Variants in LEPR observed in about 807,000 individuals in gnomAD.
The protein encoded by LEPR is leptin receptor.
A neutral mutation model predicts 114.7 loss-of-function variants in LEPR; 56 were observed. The observed-to-expected ratio is 0.49, with a 90% CI of 0.39 to 0.61. The LOEUF is 0.61. Ranked by LOEUF, LEPR falls within the 20% of genes least tolerant of loss-of-function variation. The probability of loss-of-function intolerance (pLI) is 0.00; values close to 1 mark genes in which losing one functional copy is unlikely to be tolerated. For missense variants in LEPR, 1,202 were observed against 1,352.9 expected (o/e 0.89, Z 1.75); for synonymous variants, 443 against 461.4 (o/e 0.96, Z 0.51).
At chr1:65,518,867 CTTTCTTTTTCTT>C (rs557720111) in intron 2 of LEPR, among the ~76,000 whole-genome samples, 1 of 140,246 alleles carries the variant, frequency 7.1e-6, no homozygotes, top group African/African-American at 2.7e-5. Flanking sequence ...TTCTTTCTTT[CTTTCTTTTTCTT>C]TCTTTCTTTC....
intron 2 of LEPR, among the ~76,000 whole-genome samples, chr1:65,518,897 C>G: frequency 1.2e-5 from 1 of 84,626 alleles, no homozygotes; most frequent in African/African-American, 4.0e-5. Context: ...TTCTTTCTTT[C>G]TTTCTTTCTT....
At chr1:65,572,292 T>TG (rs1287679995) in intron 4 of LEPR, 34 bp from the exon 5 acceptor site, 2 of 676,112 alleles carry the variant, frequency 3.0e-6, no homozygotes, top group South Asian at 3.2e-5. Context: ...ATGTAGTTGT[T>TG]TTTTTTTTTT....
At chr1:65,455,793 G>A (rs1646863310) in intron 2 of LEPR, among the ~76,000 whole-genome samples, 1 of 152,238 alleles carries the variant, frequency 6.6e-6, no homozygotes, top group African/African-American at 2.4e-5. Flanking sequence ...GCCTCTTTGA[G>A]CTGTGGTGGG....
At chr1:65,444,652 C>T (rs1008442155) in intron 2 of LEPR, among the ~76,000 whole-genome samples, 3 of 151,484 alleles carry the variant, frequency 2.0e-5, no homozygotes, top group South Asian at 4.2e-4. Context: ...CAAAAAATAT[C>T]GAAGAGAAGA....
At chr1:65,435,326 G>A in intron 2 of LEPR, 1 of 983,110 alleles carries the variant, frequency 1.0e-6, no homozygotes, top group South Asian at 4.7e-5. Flanking sequence ...TGTTCTCAGG[G>A]AAATGCTTAG....
Position 65,636,396 on chromosome 1 carries a change from A to G in LEPR, c.2879A>G (p.Asn960Ser). 1.2e-6 allele frequency: 2 copies of G among 1,614,126 alleles called. No individual in the cohort carries two copies. The highest frequency in any genetic ancestry group is 1.7e-6 in the Non-Finnish European group (2 of 1,180,008). The change falls in exon 20 of 20, where the codon AAC (asparagine) becomes AGC (serine). Residue 960 changes from asparagine to serine, a missense_variant. Asn to Ser is a conservative substitution (Grantham distance 46). Transcript: ENST00000349533. Reference sequence around the variant, plus strand: ...TCTGTTTGTATTAGTGACCAGTTCAACAGTGTTAACTTCTCTGAGGCTGAG... The same window carrying G: ...TCTGTTTGTATTAGTGACCAGTTCAGCAGTGTTAACTTCTCTGAGGCTGAG... ...KGSVCISDQF[N>S]SVNFSEAEGT...
intron 2 of LEPR, among the ~76,000 whole-genome samples, chr1:65,503,364 AAACAATT>A (rs1648559332): frequency 6.6e-6 from 1 of 152,210 alleles, no homozygotes; most frequent in Non-Finnish European, 1.5e-5. Flanking sequence ...GAACATGACT[AAACAATT>A]AACAATGCTA....
At chr1:65,467,595 G>A (rs535938934) in intron 2 of LEPR, among the ~76,000 whole-genome samples, 1 of 152,342 alleles carries the variant, frequency 6.6e-6, no homozygotes, top group African/African-American at 2.4e-5. Flanking sequence ...GTTTAAGTCT[G>A]CAGAAGCCGT....
chr1:65,488,076 CCT>C (rs746327272), intron 2 of LEPR, among the ~76,000 whole-genome samples: 94 of 130,010 alleles, frequency 7.2e-4, no homozygotes, highest in Non-Finnish European at 5.5e-4. Flanking sequence ...TCTCTCCCTC[CCT>C]CTCTCTTCCT....
chr1:65,584,570 T>C (rs532605199), intron 5 of LEPR, among the ~76,000 whole-genome samples: 1 of 152,230 alleles, frequency 6.6e-6, no homozygotes, highest in African/African-American at 2.4e-5. Context: ...TTTCCCACAG[T>C]GTGTTACTTA....
chr1:65,616,202 C>T lies in LEPR; in HGVS notation c.2190C>T (p.Thr730=). 1 of 1,613,962 alleles carries T rather than the reference C, an allele frequency of 6.2e-7. No individual in the cohort carries two copies. The highest frequency in any genetic ancestry group is 8.5e-7 in the Non-Finnish European group (1 of 1,179,912). ...CTTCTGTTGCAAATTTTAATTTAAC[C>T]TTTTCATGGCCTATGAGCAAAGGTA... is the stretch of plus-strand genomic sequence containing the variant. ...IGASVANFNL[T]FSWPMSKVNI... Residue 730 remains threonine (T), a synonymous_variant, in exon 15 of 20, where the codon ACC becomes ACT. Transcript: ENST00000349533.
intron 2 of LEPR, among the ~76,000 whole-genome samples, chr1:65,558,593 C>T (rs1268075418): frequency 1.9e-5 from 1 of 53,460 alleles, no homozygotes; most frequent in Non-Finnish European, 3.4e-5. Flanking sequence ...TACATGTGCA[C>T]ATTGTGCAGG....
intron 2 of LEPR, among the ~76,000 whole-genome samples, chr1:65,431,503 C>T (rs1440706051): frequency 1.3e-5 from 2 of 152,174 alleles, no homozygotes; most frequent in Admixed American, 6.5e-5. Flanking sequence ...ATTGTAATTG[C>T]ACTATTTATA....
At chr1:65,629,266 T>TA (rs1323293400) in intron 19 of LEPR, 3 of 379,554 alleles carry the variant, frequency 7.9e-6, no homozygotes, top group Admixed American at 3.6e-5. Flanking sequence ...TTAGCACTCT[T>TA]ACGCTTCCCT....
chr1:65,572,247 T>C (rs1570724257), intron 4 of LEPR, 79 bp from the exon 5 acceptor site: 4 of 1,447,646 alleles, frequency 2.8e-6, no homozygotes, highest in Non-Finnish European at 3.6e-6. Flanking sequence ...AGCTCTTCTC[T>C]TTCACTGAGT....
At chr1:65,623,737 G>C (rs902806690) in intron 19 of LEPR, among the ~76,000 whole-genome samples, 1 of 152,224 alleles carries the variant, frequency 6.6e-6, no homozygotes. Flanking sequence ...CTTGTTAAAA[G>C]TTTTCAATGG....
chr1:65,568,759 C>T (rs1024353692), intron 3 of LEPR, among the ~76,000 whole-genome samples: 2 of 152,138 alleles, frequency 1.3e-5, no homozygotes, highest in Non-Finnish European at 2.9e-5. Context: ...CATTGTTTTC[C>T]ATAGAGGTTG....
intron 5 of LEPR, among the ~76,000 whole-genome samples, chr1:65,587,342 T>G (rs1034984719): frequency 1.3e-5 from 2 of 152,080 alleles, no homozygotes; most frequent in African/African-American, 4.8e-5. Context: ...AAGGTCTGGC[T>G]TGATATTTTT....
intron 2 of LEPR, among the ~76,000 whole-genome samples, chr1:65,551,342 T>G (rs1325554248): frequency 2.6e-5 from 4 of 152,226 alleles, no homozygotes; most frequent in Non-Finnish European, 5.9e-5. Context: ...ATCTGTCTGG[T>G]CCTGGGCCTT....
Sources: gnomAD v4.1 joint callset for allele counts (sites outside exome capture counted in the v4.1 genomes callset) on GRCh38, gnomAD v4.1.1 for gene constraint, MANE v1.5 for transcripts, NCBI Gene and HGNC (gene_info 2026-07-23, HGNC 2026-07-21) for gene names.